AGAP1: variants seen among roughly 807,000 people sequenced by gnomAD.
AGAP1 encodes arf-GAP with GTPase, ANK repeat and PH domain-containing protein 1.
A neutral mutation model predicts 105.3 loss-of-function variants in AGAP1; 29 were observed. That is an observed-to-expected ratio of 0.28 (90% CI 0.21 to 0.38). The LOEUF (loss-of-function observed/expected upper bound fraction) is 0.38. AGAP1 is among the 10% of genes least tolerant of loss of function. The pLI, the probability that AGAP1 is intolerant of heterozygous loss-of-function variation, is 1.00. For missense variants in AGAP1, 998 were observed against 1,165.1 expected (o/e 0.86, Z 2.09); for synonymous variants, 509 against 485.9 (o/e 1.05, Z -0.63).
Position 236,050,296 on chromosome 2 carries a change from C to A in AGAP1, c.2114+1015C>A, listed in dbSNP as rs922304223. On this transcript the variant is annotated intron_variant, in intron 16 of 17. Transcript: ENST00000304032. This position sits in a 1 kb window ranked among gnomAD's most constrained non-coding sequence, Gnocchi z 4.0. ...ACTGAAAAATGAATTTGTGGTGCCACCTTTGGCTCACTGGAGAGAATGAAG... is the reference window on the plus strand; with the variant it reads ...ACTGAAAAATGAATTTGTGGTGCCAACTTTGGCTCACTGGAGAGAATGAAG... Among the ~76,000 whole-genome samples, 4 of 152,162 alleles carry A rather than the reference C, an allele frequency of 2.6e-5. No homozygotes were observed. Among genetic ancestry groups the A allele is most frequent in the Non-Finnish European group, 5.9e-5 (4 of 68,038 alleles).
At chr2:235,731,723 A>G (rs1336311210) in intron 3 of AGAP1, among the ~76,000 whole-genome samples, 4 of 152,224 alleles carry the variant, frequency 2.6e-5, no homozygotes, top group Non-Finnish European at 5.9e-5. Flanking sequence ...GGAAGCTGAC[A>G]GCCGACATGG....
At chr2:235,667,216 A>G (rs999111386) in intron 1 of AGAP1, among the ~76,000 whole-genome samples, 2 of 152,200 alleles carry the variant, frequency 1.3e-5, no homozygotes, top group Admixed American at 6.5e-5. Context: ...AGTTGGGTCA[A>G]TTCTTTGAGG....
chr2:235,954,780 C>G (rs1005521856), intron 12 of AGAP1, among the ~76,000 whole-genome samples: 3 of 151,986 alleles, frequency 2.0e-5, no homozygotes, highest in Non-Finnish European at 4.4e-5. Flanking sequence ...CTTATTAACT[C>G]TCTCCGTTTG....
intron 3 of AGAP1, among the ~76,000 whole-genome samples, chr2:235,727,462 AC>A (rs993994091): frequency 6.6e-6 from 1 of 152,140 alleles, no homozygotes; most frequent in Non-Finnish European, 1.5e-5. Flanking sequence ...GTTTGAATTC[AC>A]CCCAAAGCTA....
rs998326619 is a variant in AGAP1 at position 235,751,258 on chromosome 2, T to G, written c.673+770T>G. 7.9e-5 allele frequency among the ~76,000 whole-genome samples: 12 copies of G among 152,150 alleles called. No individual in the cohort carries two copies. Among genetic ancestry groups the G allele is most frequent in the African/African-American group, 2.9e-4 (12 of 41,424 alleles). On this transcript the variant is annotated intron_variant, in intron 6 of 17. Coordinates refer to ENST00000304032, the MANE Select transcript of AGAP1 (RefSeq NM_001037131.3). The surrounding 1 kb of genome is among the most constrained non-coding windows in gnomAD (Gnocchi z 5.3). Reference sequence around the variant, plus strand: ...GGACTGATACTTCTAAAGCCAGTCTTTTCAAGTTGGAAGCTTGGGAGAGGC... The same window carrying G: ...GGACTGATACTTCTAAAGCCAGTCTGTTCAAGTTGGAAGCTTGGGAGAGGC...
intron 10 of AGAP1, among the ~76,000 whole-genome samples, chr2:235,886,889 G>C (rs1011450091): frequency 6.6e-6 from 1 of 151,642 alleles, no homozygotes; most frequent in Non-Finnish European, 1.5e-5. Flanking sequence ...AGGTGCATAC[G>C]AGTCCGTTCT....
intron 1 of AGAP1, among the ~76,000 whole-genome samples, chr2:235,687,934 C>A (rs1349562844): frequency 8.1e-6 from 1 of 124,052 alleles, no homozygotes; most frequent in African/African-American, 3.0e-5. Flanking sequence ...TGGAGTCTCA[C>A]TCTGTCACCC....
intron 14 of AGAP1, chr2:236,037,123 G>A (rs561120058): frequency 3.3e-5 from 6 of 182,718 alleles, no homozygotes; most frequent in East Asian, 1.6e-4. Flanking sequence ...TTGGAAAACC[G>A]TCTCTTGTTA....
At chr2:236,117,308 T>G (rs1304403297) in intron 16 of AGAP1, among the ~76,000 whole-genome samples, 1 of 152,136 alleles carries the variant, frequency 6.6e-6, no homozygotes, top group Non-Finnish European at 1.5e-5. Flanking sequence ...AGGATGAAGG[T>G]GGTATCAACA....
In AGAP1 at chr2:235,836,017, G is replaced by T. The variant is rs187602787; in HGVS notation, c.1050+28686G>T. ...TAAGCATTGTTTACAGAACCTGTTC[G>T]CCTGCTGAAACTCTAACAGCATCTG... On this transcript the variant is annotated intron_variant, in intron 9 of 17. Coordinates refer to ENST00000304032, the MANE Select transcript of AGAP1 (RefSeq NM_001037131.3). 3.2e-3 allele frequency among the ~76,000 whole-genome samples: 488 copies of T among 152,256 alleles called. 3 individuals are homozygous for T. The highest frequency in any genetic ancestry group is 4.9e-3 in the Non-Finnish European group (334 of 68,022).
At chr2:235,771,999 C>CTTT (rs961967325) in intron 6 of AGAP1, among the ~76,000 whole-genome samples, 15 of 135,092 alleles carry the variant, frequency 1.1e-4, no homozygotes, top group East Asian at 6.4e-4. Flanking sequence ...CTTTTCTTAT[C>CTTT]TTTTTTTTTT....
Position 235,906,660 on chromosome 2 carries a change from G to A in AGAP1, c.1156-2078G>A, listed in dbSNP as rs2051320399. Reference sequence around the variant, plus strand: ...TGTTGGTTGCGGGAAGGTCTACATTGTCACACCCCAGGCTCACCCACCTGA... The same window carrying A: ...TGTTGGTTGCGGGAAGGTCTACATTATCACACCCCAGGCTCACCCACCTGA... On this transcript the variant is annotated intron_variant, in intron 10 of 17. Transcript: ENST00000304032. This position sits in a 1 kb window ranked among gnomAD's most constrained non-coding sequence, Gnocchi z 5.3. Among the ~76,000 whole-genome samples, 1 of 150,498 alleles carries A rather than the reference G, an allele frequency of 6.6e-6. No individual in the cohort carries two copies. The highest frequency in any genetic ancestry group is 1.5e-5 in the Non-Finnish European group (1 of 68,040).
chr2:235,852,577 G>C (rs933885930), intron 9 of AGAP1: 2 of 1,067,512 alleles, frequency 1.9e-6, no homozygotes, highest in African/African-American at 1.6e-5. Flanking sequence ...TTAATGAATA[G>C]AGACTGCTGA....
At chr2:235,781,924 C>T (rs1956288053) in intron 6 of AGAP1, among the ~76,000 whole-genome samples, 2 of 152,256 alleles carry the variant, frequency 1.3e-5, no homozygotes, top group South Asian at 2.1e-4. Flanking sequence ...CTTGAAGCTA[C>T]GTCTTCATGC....
intron 1 of AGAP1, among the ~76,000 whole-genome samples, chr2:235,699,828 G>C (rs1950168262): frequency 6.6e-6 from 1 of 152,230 alleles, no homozygotes; most frequent in Non-Finnish European, 1.5e-5. Flanking sequence ...AGATGGAAGT[G>C]AGAGCCTGTG....
chr2:235,938,291 C>CA, intron 12 of AGAP1, among the ~76,000 whole-genome samples: 2 of 152,348 alleles, frequency 1.3e-5, no homozygotes, highest in East Asian at 3.9e-4. Context: ...GGGCCTATCG[C>CA]AGCAGCAGGT....
chr2:235,712,597 G>A lies in AGAP1; in HGVS notation c.222+3360G>A, dbSNP rs559395329. ...TTCAGCAAACCTCAGGGTTAGTGTGGGGCTCTGGAGAAATCAGTTTAGGAA... is the reference window on the plus strand; with the variant it reads ...TTCAGCAAACCTCAGGGTTAGTGTGAGGCTCTGGAGAAATCAGTTTAGGAA... On this transcript the variant is annotated intron_variant, in intron 2 of 17. Coordinates refer to ENST00000304032, the MANE Select transcript of AGAP1 (RefSeq NM_001037131.3). The surrounding 1 kb of genome is among the most constrained non-coding windows in gnomAD (Gnocchi z 6.0). Among the ~76,000 whole-genome samples, 1 of 152,162 alleles carries A rather than the reference G, an allele frequency of 6.6e-6. No homozygotes were observed. Among genetic ancestry groups the A allele is most frequent in the Non-Finnish European group, 1.5e-5 (1 of 68,040 alleles).
Position 235,714,751 on chromosome 2 carries a change from C to G in AGAP1, c.223-2806C>G, listed in dbSNP as rs900286713. ...ACTGAGAACCTTTTTTCCACACTGT[C>G]ATGCCAAATTTGTTCTCTTATATGT... On this transcript the variant is annotated intron_variant, in intron 2 of 17. Coordinates refer to ENST00000304032, the MANE Select transcript of AGAP1 (RefSeq NM_001037131.3). This position sits in a 1 kb window ranked among gnomAD's most constrained non-coding sequence, Gnocchi z 4.1. 1.3e-5 allele frequency among the ~76,000 whole-genome samples: 2 copies of G among 152,120 alleles called. No individual in the cohort carries two copies. Among genetic ancestry groups the G allele is most frequent in the African/African-American group, 4.8e-5 (2 of 41,416 alleles).
At chr2:235,533,141 C>G (rs1943099399) in intron 1 of AGAP1, among the ~76,000 whole-genome samples, 1 of 152,174 alleles carries the variant, frequency 6.6e-6, no homozygotes, top group African/African-American at 2.4e-5. Context: ...TGTGGAGTTA[C>G]AGCTCTGCTG....
Sources: allele counts gnomAD v4.1 joint callset (sites outside exome capture counted in the v4.1 genomes callset), GRCh38; gene constraint gnomAD v4.1.1; non-coding constraint Gnocchi (gnomAD v3.1); transcripts MANE v1.5; gene names NCBI Gene and HGNC (gene_info 2026-07-23, HGNC 2026-07-21).